VPS36: variants seen among roughly 807,000 people sequenced by gnomAD.
The protein encoded by VPS36 is vacuolar protein-sorting-associated protein 36.
Under a neutral mutation model 63.5 loss-of-function variants are expected in VPS36, and 31 were observed. That is an observed-to-expected ratio of 0.49 (90% CI 0.37 to 0.66). VPS36 has a LOEUF of 0.66. VPS36 is among the 30% of genes least tolerant of loss of function. The pLI, the probability that VPS36 is intolerant of heterozygous loss-of-function variation, is 0.00. For synonymous variants in VPS36, 138 were observed against 157.2 expected (o/e 0.88, Z 0.91); for missense variants, 338 against 463.7 (o/e 0.73, Z 2.49).
intron 6 of VPS36, among the ~76,000 whole-genome samples, chr13:52,430,318 G>GA (rs549651420): frequency 7.5e-4 from 114 of 151,968 alleles, no homozygotes; most frequent in African/African-American, 2.6e-3. Flanking sequence ...AGTCCCAGAA[G>GA]AAAAAAAATC....
At chr13:52,426,232 C>G (rs1029034809) in intron 8 of VPS36, among the ~76,000 whole-genome samples, 166 bp from the exon 9 acceptor site, 1 of 152,192 alleles carries the variant, frequency 6.6e-6, no homozygotes, top group African/African-American at 2.4e-5. Flanking sequence ...GAGTTCCCTG[C>G]ATACATCTAA....
chr13:52,439,987 T>G (rs1003622356), intron 2 of VPS36, among the ~76,000 whole-genome samples: 11 of 151,932 alleles, frequency 7.2e-5, no homozygotes, highest in Admixed American at 6.6e-4. Context: ...GTTTAATTTT[T>G]TTTTTTTTTG....
At position 52,415,731 on chromosome 13, in the gene VPS36, T is replaced by C; in HGVS notation, c.*99A>G. On this transcript the variant is annotated 3_prime_UTR_variant, in exon 14 of 14. Coordinates refer to ENST00000378060, the MANE Select transcript of VPS36 (RefSeq NM_016075.4). ...TTTACATTGCACTGTGAAGTTCCAATAAATTCTCAATTGATCGGGGTTTAT... is the reference window on the plus strand; with the variant it reads ...TTTACATTGCACTGTGAAGTTCCAACAAATTCTCAATTGATCGGGGTTTAT... The C allele has an allele frequency of 8.8e-7, 1 of 1,134,056 alleles. No homozygotes were observed. Among genetic ancestry groups the C allele is most frequent in the South Asian group, 1.4e-5 (1 of 72,342 alleles). The allele number at this position is 1,134,056 out of a possible 1,614,324, so 70.2% of individuals were successfully genotyped here. A position where few individuals can be genotyped will look rare whatever the true frequency, so the allele number is the denominator to read the frequency against.
chr13:52,449,845 G>T (rs890538284), intron 1 of VPS36: 2 of 835,076 alleles, frequency 2.4e-6, no homozygotes, highest in African/African-American at 1.8e-5. Flanking sequence ...TACAAAACAC[G>T]CTCAGAACGC....
chr13:52,418,573 CAAAAAAAAA>C lies in VPS36; in HGVS notation c.841-526_841-518del, dbSNP rs1201650906. Reference sequence around the variant, plus strand: ...TGGGCGATAGTGCGAGACTCCATCTCAAAAAAAAAAAAAAAAAAAAAAAAAGTAAAAAAG... The same window carrying C: ...TGGGCGATAGTGCGAGACTCCATCTCAAAAAAAAAAAAAAAAGTAAAAAAG... On this transcript the variant is annotated intron_variant, in intron 10 of 13. Transcript: ENST00000378060. Among the ~76,000 whole-genome samples the C allele has an allele frequency of 1.6e-4, 5 of 31,176 alleles. No individual in the cohort carries two copies. In the South Asian group the frequency reaches 3.9e-3, roughly 24 times the overall value. 20.5% of individuals were successfully genotyped at this position (31,176 alleles called of 152,430 possible).
At chr13:52,429,461 C>T in intron 6 of VPS36, 1 of 179,912 alleles carries the variant, frequency 5.6e-6, no homozygotes, top group Non-Finnish European at 1.1e-5. Flanking sequence ...TCATGTTATA[C>T]ACCCCTGCTG....
At chr13:52,431,177 G>A (rs570405085) in intron 6 of VPS36, among the ~76,000 whole-genome samples, 1 of 152,206 alleles carries the variant, frequency 6.6e-6, no homozygotes, top group Admixed American at 6.5e-5. Context: ...GGCAGAGAGT[G>A]TATGTAGTGG....
At position 52,450,624 on chromosome 13, in the gene VPS36, A is replaced by G; in HGVS notation, c.-30T>C. 6.5e-7 allele frequency: 1 copy of G among 1,544,752 alleles called. No homozygotes were observed. The highest frequency in any genetic ancestry group is 2.6e-5 in the East Asian group (1 of 37,814). On this transcript the variant is annotated 5_prime_UTR_variant, in exon 1 of 14. Coordinates refer to ENST00000378060, the MANE Select transcript of VPS36 (RefSeq NM_016075.4). ...GCTGCCACCCAGCCCCGGCCCTCCG[A>G]GGCCGCGAGCAGCGCGCCAGGCAGC...
At chr13:52,428,357 CAT>C (rs1234572134) in intron 6 of VPS36, among the ~76,000 whole-genome samples, 2 of 152,136 alleles carry the variant, frequency 1.3e-5, no homozygotes, top group Middle Eastern at 3.2e-3. Flanking sequence ...TGGTCTGAAA[CAT>C]ATAATAGTGG....
chr13:52,433,535 A>C, intron 6 of VPS36, 127 bp downstream of exon 6: 1 of 770,144 alleles, frequency 1.3e-6, no homozygotes, highest in Non-Finnish European at 2.1e-6. Context: ...TAAAGAGAAT[A>C]GGAGACTATG....
chr13:52,417,907 G>T, intron 11 of VPS36, 85 bp downstream of exon 11: 2 of 1,125,112 alleles, frequency 1.8e-6, no homozygotes, highest in Non-Finnish European at 1.3e-6. Context: ...TGACACTAGG[G>T]ATGGCAAACT....
At chr13:52,450,009 A>G in intron 1 of VPS36, 1 of 986,240 alleles carries the variant, frequency 1.0e-6, no homozygotes, top group Non-Finnish European at 1.2e-6. Context: ...ATAAGGTCCA[A>G]GCTAAAGCTT....
chr13:52,428,874 G>A (rs956267724), intron 6 of VPS36, among the ~76,000 whole-genome samples: 6 of 152,036 alleles, frequency 3.9e-5, no homozygotes, highest in Non-Finnish European at 7.4e-5. Flanking sequence ...AATAAGTCCT[G>A]TAAACTTATA....
At chr13:52,437,506 C>A (rs769539513) in intron 3 of VPS36, among the ~76,000 whole-genome samples, 2 of 151,942 alleles carry the variant, frequency 1.3e-5, no homozygotes, top group Non-Finnish European at 2.9e-5. Context: ...GAAAGGACAC[C>A]CAATGAAAAA....
At chr13:52,417,699 T>C (rs1408601633) in intron 11 of VPS36, among the ~76,000 whole-genome samples, 1 of 152,096 alleles carries the variant, frequency 6.6e-6, no homozygotes, top group East Asian at 1.9e-4. Flanking sequence ...AGGAAAATAA[T>C]ATTCACAGCT....
At chr13:52,425,439 T>C (rs867060971) in intron 9 of VPS36, among the ~76,000 whole-genome samples, 1 of 152,162 alleles carries the variant, frequency 6.6e-6, no homozygotes, top group African/African-American at 2.4e-5. Flanking sequence ...AAAATAATTT[T>C]GAGTGGAGGT....
At chr13:52,436,775 C>T (rs1445597550) in intron 3 of VPS36, among the ~76,000 whole-genome samples, 1 of 152,098 alleles carries the variant, frequency 6.6e-6, no homozygotes, top group African/African-American at 2.4e-5. Flanking sequence ...AAGCATACAC[C>T]CTTATTCATT....
chr13:52,423,743 T>A (rs1001017846), intron 9 of VPS36, 104 bp from the exon 10 acceptor site: 6 of 1,068,698 alleles, frequency 5.6e-6, no homozygotes, highest in East Asian at 2.5e-5. Context: ...ATCAGAAAAA[T>A]TTTTAAGAAG....
chr13:52,418,538 C>T (rs1221715726), intron 10 of VPS36, among the ~76,000 whole-genome samples: 1 of 119,876 alleles, frequency 8.3e-6, no homozygotes, highest in East Asian at 2.5e-4. Context: ...TCGCACCATG[C>T]ATTCTAGCCT....
Sources: gnomAD v4.1 joint callset for allele counts (sites outside exome capture counted in the v4.1 genomes callset) on GRCh38, gnomAD v4.1.1 for gene constraint, MANE v1.5 for transcripts, NCBI Gene and HGNC (gene_info 2026-07-23, HGNC 2026-07-21) for gene names.